NRXN1: variants seen among roughly 807,000 people sequenced by gnomAD.
NRXN1 encodes the protein neurexin-1.
NRXN1 carries 39 observed loss-of-function variants against 150.9 expected under a neutral mutation model. That is an observed-to-expected ratio of 0.26 (90% CI 0.20 to 0.34). The LOEUF is 0.34. Among genes scored for constraint, NRXN1 ranks in the 10% least tolerant of loss-of-function variants. The pLI is 1.00. For synonymous variants in NRXN1, 924 were observed against 757.0 expected, an observed-to-expected ratio of 1.22 and a Z score of -3.62; for missense variants, 1,815 against 1,949.9, an observed-to-expected ratio of 0.93 and a Z score of 1.30.
At chr2:50,167,488 G>A (rs944542427) in intron 18 of NRXN1, among the ~76,000 whole-genome samples, 2 of 151,522 alleles carry the variant, frequency 1.3e-5, no homozygotes, top group Non-Finnish European at 2.9e-5. Context: ...TGGTGCTATT[G>A]GCAACCAGTG....
intron 5 of NRXN1, among the ~76,000 whole-genome samples, chr2:50,787,785 G>A (rs750337438): frequency 2.0e-5 from 3 of 151,604 alleles, no homozygotes; most frequent in Admixed American, 6.6e-5. Context: ...TGTTTTTCCT[G>A]AGTAAGGACA....
At chr2:50,449,979 T>A (rs931200372) in intron 17 of NRXN1, among the ~76,000 whole-genome samples, 2 of 152,210 alleles carry the variant, frequency 1.3e-5, no homozygotes, top group Non-Finnish European at 2.9e-5. Flanking sequence ...ACAGATGCCA[T>A]GTGGCAGTCA....
At chr2:50,611,183 T>C (rs1678059712) in intron 8 of NRXN1, among the ~76,000 whole-genome samples, 1 of 152,056 alleles carries the variant, frequency 6.6e-6, no homozygotes, top group Non-Finnish European at 1.5e-5. Context: ...CAGACATTGT[T>C]CATTGCTGCT....
intron 17 of NRXN1, among the ~76,000 whole-genome samples, chr2:50,258,325 T>A (rs887320318): frequency 6.6e-6 from 1 of 152,098 alleles, no homozygotes; most frequent in Non-Finnish European, 1.5e-5. Flanking sequence ...TCTACATCCA[T>A]TGTTGTCATT....
chr2:50,865,454 A>G (rs1676746596), intron 5 of NRXN1, among the ~76,000 whole-genome samples: 1 of 151,648 alleles, frequency 6.6e-6, no homozygotes, highest in African/African-American at 2.4e-5. Context: ...ATTTTGGAGG[A>G]TCTCCAGGAT....
Position 50,211,188 on chromosome 2 carries a change from G to T in NRXN1, c.3546+25601C>A, listed in dbSNP as rs576624261. 1.4e-4 allele frequency among the ~76,000 whole-genome samples: 21 copies of T among 151,710 alleles called. No individual in the cohort carries two copies. The East Asian group carries it at 4.1e-3, about 29-fold the overall frequency. ...TTCCTCTTATACCTTATGTAAGAAAGCCCAATATAAGAATTAACCATAGGA... is the reference window on the plus strand; with the variant it reads ...TTCCTCTTATACCTTATGTAAGAAATCCCAATATAAGAATTAACCATAGGA... On this transcript the variant is annotated intron_variant, in intron 18 of 22. Coordinates refer to ENST00000401669, the MANE Select transcript of NRXN1 (RefSeq NM_001330078.2).
At chr2:50,936,993 G>A (rs1238694192) in intron 2 of NRXN1, among the ~76,000 whole-genome samples, 1 of 152,102 alleles carries the variant, frequency 6.6e-6, no homozygotes, top group Non-Finnish European at 1.5e-5. Flanking sequence ...AGAAGAAATT[G>A]GAGAGAGCAA....
chr2:50,865,029 A>C (rs1034564978), intron 5 of NRXN1, among the ~76,000 whole-genome samples: 1 of 151,814 alleles, frequency 6.6e-6, no homozygotes, highest in Non-Finnish European at 1.5e-5. Flanking sequence ...GCTCTCTTTA[A>C]GAATGTATAA....
At chr2:50,857,967 A>G (rs1675511128) in intron 5 of NRXN1, among the ~76,000 whole-genome samples, 1 of 152,082 alleles carries the variant, frequency 6.6e-6, no homozygotes, top group South Asian at 2.1e-4. Context: ...TTACACCTTT[A>G]CATGTGCTTT....
intron 2 of NRXN1, among the ~76,000 whole-genome samples, chr2:51,014,037 C>G (rs1226461360): frequency 1.3e-5 from 2 of 151,998 alleles, no homozygotes; most frequent in South Asian, 2.1e-4. Context: ...AAAAACCTAT[C>G]AAGAATTTTA....
At chr2:50,829,414 C>T (rs1671066038) in intron 5 of NRXN1, 1 of 1,381,840 alleles carries the variant, frequency 7.2e-7, no homozygotes, top group Non-Finnish European at 1.0e-6. Context: ...AGGCATGAGC[C>T]ACTGTGCCCG....
chr2:50,345,540 C>T (rs926779811), intron 17 of NRXN1, among the ~76,000 whole-genome samples: 2 of 152,166 alleles, frequency 1.3e-5, no homozygotes, highest in African/African-American at 4.8e-5. Flanking sequence ...GCTTTCTAAA[C>T]AAGTGCATTT....
chr2:50,876,562 A>G (rs1022130080), intron 5 of NRXN1, among the ~76,000 whole-genome samples: 1 of 151,828 alleles, frequency 6.6e-6, no homozygotes, highest in Non-Finnish European at 1.5e-5. Context: ...TTACATGTAT[A>G]TTATAATGCA....
At position 50,352,781 on chromosome 2, in the gene NRXN1, T is replaced by G. The variant is rs1054504085; in HGVS notation, c.3364+112661A>C. ...AATAATAATAATAATAATAATATTATAATAATAATAATAATAATAATAATA... is the reference window on the plus strand; with the variant it reads ...AATAATAATAATAATAATAATATTAGAATAATAATAATAATAATAATAATA... On this transcript the variant is annotated intron_variant, in intron 17 of 22. Transcript: ENST00000401669. Among the ~76,000 whole-genome samples, 3 of 144,440 alleles carry G rather than the reference T, an allele frequency of 2.1e-5. No homozygotes were observed. In the East Asian group the frequency reaches 6.2e-4, roughly 30 times the overall value. 94.8% of individuals were successfully genotyped at this position (144,440 alleles called of 152,430 possible).
intron 8 of NRXN1, among the ~76,000 whole-genome samples, chr2:50,606,852 T>C (rs573257174): frequency 6.6e-6 from 1 of 152,296 alleles, no homozygotes; most frequent in East Asian, 1.9e-4. Context: ...AATTCTTCCT[T>C]TGTGGTTAAT....
chr2:50,306,915 C>T (rs1034422498), intron 17 of NRXN1, among the ~76,000 whole-genome samples: 1 of 152,134 alleles, frequency 6.6e-6, no homozygotes, highest in African/African-American at 2.4e-5. Flanking sequence ...ATATGCATGT[C>T]ATATATTAAA....
intron 21 of NRXN1, among the ~76,000 whole-genome samples, chr2:49,967,497 A>T (rs1677162469): frequency 6.6e-6 from 1 of 152,132 alleles, no homozygotes; most frequent in African/African-American, 2.4e-5. Flanking sequence ...TGTTACGTTT[A>T]TAGACATAAA....
At chr2:50,784,832 C>A (rs1704853750) in intron 5 of NRXN1, among the ~76,000 whole-genome samples, 2 of 151,946 alleles carry the variant, frequency 1.3e-5, no homozygotes, top group East Asian at 1.9e-4. Context: ...ACAGGAAGAT[C>A]CATAGTGGGG....
intron 21 of NRXN1, among the ~76,000 whole-genome samples, chr2:50,050,633 G>T (rs17039718): frequency 0.096 from 14,533 of 151,952 alleles, 1,309 homozygotes; most frequent in East Asian, 0.38. Context: ...TTACAGTTTC[G>T]AAATTAACAT....
Sources: gnomAD v4.1 joint callset for allele counts (sites outside exome capture counted in the v4.1 genomes callset) on GRCh38, gnomAD v4.1.1 for gene constraint, MANE v1.5 for transcripts, NCBI Gene and HGNC (gene_info 2026-07-23, HGNC 2026-07-21) for gene names.